Variants in GABRG1 observed in about 807,000 individuals in gnomAD.
GABRG1 encodes the protein gamma-aminobutyric acid type A receptor subunit gamma1.
A neutral mutation model predicts 49.8 loss-of-function variants in GABRG1; 49 were observed. That is an observed-to-expected ratio of 0.98 (90% CI 0.78 to 1.25). The LOEUF (loss-of-function observed/expected upper bound fraction) is 1.25, where lower values mean the gene tolerates loss of function less well. GABRG1 is among the 50% of genes most tolerant of loss of function. The pLI, the probability that GABRG1 is intolerant of heterozygous loss-of-function variation, is 0.00. For missense variants in GABRG1, 552 were observed against 552.3 expected (o/e 1.00, Z 0.01); for synonymous variants, 232 against 185.1 (o/e 1.25, Z -2.06).
chr4:46,099,273 A>G (rs987466005), intron 1 of GABRG1, among the ~76,000 whole-genome samples: 2 of 151,664 alleles, frequency 1.3e-5, no homozygotes, highest in Non-Finnish European at 2.9e-5. Context: ...ACTGACATGC[A>G]TCACTACCAA....
At chr4:46,105,400 G>A (rs1720502347) in intron 1 of GABRG1, among the ~76,000 whole-genome samples, 1 of 151,396 alleles carries the variant, frequency 6.6e-6, no homozygotes, top group Non-Finnish European at 1.5e-5. Context: ...AAACACTACT[G>A]TTTTTTTGTA....
intron 2 of GABRG1, among the ~76,000 whole-genome samples, chr4:46,090,556 T>G (rs1719941965): frequency 6.6e-6 from 1 of 151,894 alleles, no homozygotes; most frequent in African/African-American, 2.4e-5. Flanking sequence ...AGACACAAAA[T>G]AATAATAGTA....
At chr4:46,063,278 G>C (rs576444073) in intron 5 of GABRG1, among the ~76,000 whole-genome samples, 107 of 152,016 alleles carry the variant, frequency 7.0e-4, no homozygotes, top group African/African-American at 2.6e-3. Flanking sequence ...ATACTACAAG[G>C]CTACAGTAAC....
At chr4:46,099,607 A>C (rs565548075) in intron 1 of GABRG1, among the ~76,000 whole-genome samples, 13 of 151,832 alleles carry the variant, frequency 8.6e-5, no homozygotes, top group African/African-American at 3.1e-4. Flanking sequence ...CCTCAGTTCT[A>C]CTATTCCAAA....
chr4:46,046,392 T>C (rs1217094265), intron 8 of GABRG1, among the ~76,000 whole-genome samples: 1 of 152,118 alleles, frequency 6.6e-6, no homozygotes, highest in Non-Finnish European at 1.5e-5. Context: ...CTGGTTACTC[T>C]ATCTATTGAA....
At chr4:46,095,294 C>T (rs1437508899) in intron 2 of GABRG1, among the ~76,000 whole-genome samples, 1 of 151,310 alleles carries the variant, frequency 6.6e-6, no homozygotes, top group Non-Finnish European at 1.5e-5. Flanking sequence ...AGTGGGAATT[C>T]GTGAAGAAGA....
intron 7 of GABRG1, among the ~76,000 whole-genome samples, chr4:46,056,373 T>A (rs560450517): frequency 3.3e-5 from 5 of 151,720 alleles, no homozygotes; most frequent in Non-Finnish European, 7.4e-5. Flanking sequence ...AACCATATGG[T>A]TCCCCCTGCC....
chr4:46,089,055 G>T (rs956176322), intron 2 of GABRG1, among the ~76,000 whole-genome samples: 2 of 151,942 alleles, frequency 1.3e-5, no homozygotes, highest in African/African-American at 4.8e-5. Context: ...TTATTTTCTT[G>T]TGGGTATAAA....
chr4:46,066,957 G>C (rs906922074), intron 3 of GABRG1, among the ~76,000 whole-genome samples: 1 of 151,654 alleles, frequency 6.6e-6, no homozygotes, highest in African/African-American at 2.4e-5. Flanking sequence ...AAAAGAATAA[G>C]TAAATTGAAA....
At chr4:46,114,810 G>T (rs1376941473) in intron 1 of GABRG1, among the ~76,000 whole-genome samples, 1 of 150,726 alleles carries the variant, frequency 6.6e-6, no homozygotes, top group Non-Finnish European at 1.5e-5. Flanking sequence ...CTAACTTTCT[G>T]ATACCAATAC....
Position 46,058,579 on chromosome 4 carries a change from G to A in GABRG1, c.669C>T (p.Pro223=), listed in dbSNP as rs756938824. The A allele has an allele frequency of 1.2e-6, 2 of 1,612,672 alleles. No homozygotes were observed. Among genetic ancestry groups the A allele is most frequent in the South Asian group, 1.1e-5 (1 of 90,990 alleles). Residue 223 remains proline, a synonymous_variant, in exon 6 of 9, where the codon CCC becomes CCT. Transcript: ENST00000295452. ...KNEIEYKWKK[P]SVEVADPKYW... ...ATTTAGGATCAGCCACTTCTACGGA[G>A]GGCTTTTTCCACTTATACTCAATTT...
chr4:46,043,260 A>G (rs574201047), intron 8 of GABRG1, among the ~76,000 whole-genome samples: 1 of 152,086 alleles, frequency 6.6e-6, no homozygotes, highest in South Asian at 2.1e-4. Flanking sequence ...AAAATGAACA[A>G]AAACTGCAAG....
chr4:46,104,797 A>G (rs1720482984), intron 1 of GABRG1, among the ~76,000 whole-genome samples: 1 of 151,394 alleles, frequency 6.6e-6, no homozygotes, highest in African/African-American at 2.4e-5. Context: ...GGGGATGCAA[A>G]GATGACTAAA....
At chr4:46,050,531 T>G (rs1012270737) in intron 8 of GABRG1, among the ~76,000 whole-genome samples, 2 of 151,944 alleles carry the variant, frequency 1.3e-5, no homozygotes, top group African/African-American at 4.8e-5. Context: ...CATTTCTCAT[T>G]TATTTGAGTA....
At chr4:46,053,686 G>A (rs1414346264) in intron 7 of GABRG1, among the ~76,000 whole-genome samples, 1 of 151,690 alleles carries the variant, frequency 6.6e-6, no homozygotes, top group Non-Finnish European at 1.5e-5. Context: ...TCCAATGTGT[G>A]GTTTCATTTT....
At chr4:46,052,618 T>G (rs1718272297) in intron 7 of GABRG1, among the ~76,000 whole-genome samples, 3 of 151,972 alleles carry the variant, frequency 2.0e-5, no homozygotes, top group Non-Finnish European at 2.9e-5. Flanking sequence ...AAATTACAGA[T>G]GCACATGCTA....
At chr4:46,063,865 C>CAAAG (rs1718807317) in intron 5 of GABRG1, among the ~76,000 whole-genome samples, 1 of 152,092 alleles carries the variant, frequency 6.6e-6, no homozygotes. Context: ...AAAAAGTGGG[C>CAAAG]AAAGGATAAG....
At chr4:46,070,016 G>A (rs13129317) in intron 3 of GABRG1, among the ~76,000 whole-genome samples, 57,375 of 151,662 alleles carry the variant, frequency 0.38, 11,112 homozygotes, top group Non-Finnish European at 0.42. Flanking sequence ...AGGGCAGGGC[G>A]GGATGGAAAA....
chr4:46,044,853 A>G (rs1717928454), intron 8 of GABRG1, among the ~76,000 whole-genome samples: 1 of 152,152 alleles, frequency 6.6e-6, no homozygotes, highest in African/African-American at 2.4e-5. Context: ...ACTTCTAAAA[A>G]ATGAGAAGAA....
Sources: allele counts gnomAD v4.1 joint callset (sites outside exome capture counted in the v4.1 genomes callset), GRCh38; gene constraint gnomAD v4.1.1; transcripts MANE v1.5; gene names NCBI Gene and HGNC (gene_info 2026-07-23, HGNC 2026-07-21).